RASAL2: variants seen among roughly 807,000 people sequenced by gnomAD.
RASAL2 encodes the protein RAS protein activator like 2.
Under a neutral mutation model 128.9 loss-of-function variants are expected in RASAL2, and 58 were observed. The observed-to-expected ratio is 0.45, with a 90% CI of 0.36 to 0.56. RASAL2 has a LOEUF of 0.56. Among genes scored for constraint, RASAL2 ranks in the 20% least tolerant of loss-of-function variants. The pLI is 0.00. For synonymous variants in RASAL2, 561 were observed against 580.8 expected, an observed-to-expected ratio of 0.97 and a Z score of 0.49; for missense variants, 1,360 against 1,601.6, an observed-to-expected ratio of 0.85 and a Z score of 2.57.
chr1:178,218,571 C>T (rs1663504419), intron 1 of RASAL2, among the ~76,000 whole-genome samples: 1 of 152,172 alleles, frequency 6.6e-6, no homozygotes, highest in South Asian at 2.1e-4. Flanking sequence ...CCTGTAATCC[C>T]AGCTACTCGA....
intron 1 of RASAL2, among the ~76,000 whole-genome samples, chr1:178,115,072 C>T (rs1382371526): frequency 6.6e-6 from 1 of 152,056 alleles, no homozygotes; most frequent in Admixed American, 6.6e-5. Context: ...ACTATTTCTT[C>T]CTTATATATT....
chr1:178,196,477 T>C (rs1662664619), intron 1 of RASAL2, among the ~76,000 whole-genome samples: 1 of 152,170 alleles, frequency 6.6e-6, no homozygotes, highest in South Asian at 2.1e-4. Flanking sequence ...CAACCATGGA[T>C]TGAAAATATT....
chr1:178,356,993 G>GT, intron 3 of RASAL2, among the ~76,000 whole-genome samples: 1 of 152,012 alleles, frequency 6.6e-6, no homozygotes, highest in East Asian at 1.9e-4. Flanking sequence ...GAGTGTTTTT[G>GT]TTTTTTGCAG....
In RASAL2 at chr1:178,226,667, C is replaced by G. The variant is rs556079336; in HGVS notation, c.203-56897C>G. 1.1e-3 allele frequency among the ~76,000 whole-genome samples: 164 copies of G among 152,312 alleles called. 1 individual carries two copies. Among genetic ancestry groups the G allele is most frequent in the African/African-American group, 3.7e-3 (153 of 41,570 alleles). ...TGAATACAGAAAACTGTATCCAGGG[C>G]TGGACACGGTGGCTCACACCTGTAA... is the stretch of plus-strand genomic sequence containing the variant. On this transcript the variant is annotated intron_variant, in intron 1 of 17. Coordinates refer to ENST00000367649, the MANE Select transcript of RASAL2 (RefSeq NM_170692.4).
intron 3 of RASAL2, among the ~76,000 whole-genome samples, chr1:178,329,986 A>G (rs779901182): frequency 1.3e-5 from 2 of 152,210 alleles, no homozygotes; most frequent in Non-Finnish European, 2.9e-5. Flanking sequence ...TCTGGTATAT[A>G]TTAGTATTAT....
chr1:178,432,841 G>A (rs1025952941), intron 5 of RASAL2, among the ~76,000 whole-genome samples: 6 of 152,006 alleles, frequency 3.9e-5, no homozygotes, highest in Admixed American at 3.3e-4. Context: ...CATAATCAAT[G>A]AACTGGTTTC....
chr1:178,221,937 C>G (rs547988409), intron 1 of RASAL2, among the ~76,000 whole-genome samples: 142 of 152,246 alleles, frequency 9.3e-4, no homozygotes, highest in Middle Eastern at 3.4e-3. Context: ...TCTTAATGCT[C>G]TGTTGTTAAG....
intron 4 of RASAL2, among the ~76,000 whole-genome samples, chr1:178,413,121 G>A (rs960414706): frequency 8.6e-5 from 13 of 151,952 alleles, no homozygotes; most frequent in South Asian, 2.1e-4. Context: ...CACGATCTCC[G>A]GCTAATTTTT....
chr1:178,254,205 T>C (rs544071575), intron 1 of RASAL2, among the ~76,000 whole-genome samples: 1 of 152,322 alleles, frequency 6.6e-6, no homozygotes, highest in Non-Finnish European at 1.5e-5. Flanking sequence ...CCCATCATTT[T>C]ATTCTTCTGG....
intron 1 of RASAL2, among the ~76,000 whole-genome samples, chr1:178,279,961 A>G (rs1396624504): frequency 6.6e-6 from 1 of 152,150 alleles, no homozygotes; most frequent in Non-Finnish European, 1.5e-5. Flanking sequence ...ATATTTTTTA[A>G]CTGATCGGTG....
chr1:178,309,731 C>T (rs935955213), intron 3 of RASAL2, among the ~76,000 whole-genome samples: 2 of 152,028 alleles, frequency 1.3e-5, no homozygotes, highest in Non-Finnish European at 2.9e-5. Context: ...AAAACATGGT[C>T]AGTAACACAC....
chr1:178,349,381 G>A (rs971526225), intron 3 of RASAL2, among the ~76,000 whole-genome samples: 4 of 151,894 alleles, frequency 2.6e-5, no homozygotes, highest in African/African-American at 9.7e-5. Flanking sequence ...CTGAGATTGT[G>A]CCACTGCACT....
chr1:178,447,703 C>G (rs1372885375), intron 9 of RASAL2, among the ~76,000 whole-genome samples: 1 of 114,786 alleles, frequency 8.7e-6, no homozygotes, highest in Non-Finnish European at 1.7e-5. Flanking sequence ...AAAAAAAAAG[C>G]CATTGTAATA....
At chr1:178,363,042 G>T (rs749302958) in intron 3 of RASAL2, among the ~76,000 whole-genome samples, 1 of 151,934 alleles carries the variant, frequency 6.6e-6, no homozygotes, top group African/African-American at 2.4e-5. Flanking sequence ...GGGATTGCAG[G>T]GTCATATTAC....
intron 2 of RASAL2, among the ~76,000 whole-genome samples, chr1:178,297,219 G>T (rs1232008388): frequency 6.6e-6 from 1 of 151,974 alleles, no homozygotes; most frequent in Non-Finnish European, 1.5e-5. Flanking sequence ...GCTAAGATTT[G>T]TATATTTCAG....
At chr1:178,343,675 C>T (rs2102411557) in intron 3 of RASAL2, among the ~76,000 whole-genome samples, 1 of 152,060 alleles carries the variant, frequency 6.6e-6, no homozygotes, top group African/African-American at 2.4e-5. Context: ...ATTAACCAAG[C>T]TAATCATGAT....
At chr1:178,377,184 C>T (rs1672036486) in intron 3 of RASAL2, among the ~76,000 whole-genome samples, 1 of 151,982 alleles carries the variant, frequency 6.6e-6, no homozygotes, top group African/African-American at 2.4e-5. Flanking sequence ...ACTCTGTTGA[C>T]TATAGTTAAT....
chr1:178,180,266 A>T (rs1424398619), intron 1 of RASAL2, among the ~76,000 whole-genome samples: 2 of 152,150 alleles, frequency 1.3e-5, no homozygotes, highest in African/African-American at 2.4e-5. Flanking sequence ...GCTAAGTAGC[A>T]GGACACACAG....
At chr1:178,141,623 A>AT (rs1393651317) in intron 1 of RASAL2, among the ~76,000 whole-genome samples, 1 of 152,008 alleles carries the variant, frequency 6.6e-6, no homozygotes, top group Non-Finnish European at 1.5e-5. Flanking sequence ...TTCCTGCTTA[A>AT]TTGGGGCATA....
Sources: allele counts gnomAD v4.1 joint callset (sites outside exome capture counted in the v4.1 genomes callset), GRCh38; gene constraint gnomAD v4.1.1; transcripts MANE v1.5; gene names NCBI Gene and HGNC (gene_info 2026-07-23, HGNC 2026-07-21).